Variants in DNAH11 observed in about 807,000 individuals in gnomAD.
The protein encoded by DNAH11 is dynein axonemal heavy chain 11, also known as axonemal beta dynein heavy chain 11.
DNAH11 carries 442 observed loss-of-function variants against 526.0 expected under a neutral mutation model. That is an observed-to-expected ratio of 0.84 (90% CI 0.78 to 0.91). The LOEUF (loss-of-function observed/expected upper bound fraction) is 0.91, where lower values mean the gene tolerates loss of function less well. Ranked by LOEUF, DNAH11 falls within the 40% of genes least tolerant of loss-of-function variation. DNAH11 has a pLI of 0.00. For synonymous variants in DNAH11, 2,461 were observed against 1,935.9 expected, an observed-to-expected ratio of 1.27 and a Z score of -7.12; for missense variants, 6,989 against 5,448.7, an observed-to-expected ratio of 1.28 and a Z score of -8.90.
chr7:21,837,192 C>T (rs576707369), intron 65 of DNAH11, among the ~76,000 whole-genome samples: 4 of 151,990 alleles, frequency 2.6e-5, no homozygotes, highest in South Asian at 2.1e-4. Flanking sequence ...AGAGATTCCT[C>T]GAAAAACTAA....
rs371215793 is a variant in DNAH11 at position 21,745,009 on chromosome 7, A to C, written c.8456A>C (p.Asn2819Thr). 6.2e-7 allele frequency: 1 copy of C among 1,610,060 alleles called. No individual in the cohort carries two copies. The highest frequency in any genetic ancestry group is 8.5e-7 in the Non-Finnish European group (1 of 1,178,192). ...CTTACAGAAACGTTAGACAACTACA[A>C]TGAACTAAATGCTGCCATGCACCTA... Reference protein sequence around the residue: ...TILTETLDNYNELNAAMHLVL... With the variant: ...TILTETLDNYTELNAAMHLVL... The change falls in exon 51 of 82, where the codon AAT becomes ACT. Residue 2819 changes from asparagine to threonine, a missense_variant. Asn to Thr is a moderately conservative substitution (Grantham distance 65, BLOSUM62 0). Transcript: ENST00000409508.
intron 62 of DNAH11, among the ~76,000 whole-genome samples, chr7:21,803,145 A>C (rs1789070009): frequency 6.6e-6 from 1 of 152,224 alleles, no homozygotes; most frequent in African/African-American, 2.4e-5. Flanking sequence ...GCATTATTAG[A>C]AATGCCTTTA....
intron 38 of DNAH11, 119 bp downstream of exon 38, chr7:21,704,747 T>A: frequency 8.8e-7 from 1 of 1,140,086 alleles, no homozygotes; most frequent in East Asian, 2.8e-5. Context: ...GATCTTAATA[T>A]ATGCTTTCAA....
chr7:21,852,631 G>A lies in DNAH11; in HGVS notation c.11061G>A (p.Lys3687=). The change falls in exon 67 of 82, where the codon AAG becomes AAA. Residue 3687 remains lysine (K), a splice_region_variant and synonymous_variant. Coordinates refer to ENST00000409508, the MANE Select transcript of DNAH11 (RefSeq NM_001277115.2). The part of the protein sequence containing the change: ...TKTTVAEIEH[K]VIEAKENERK... ...CCACCGTGGCAGAGATAGAGCACAA[G>A]GTAGGAAGGGCAGAGGGTGCCTGGC... 6.3e-7 allele frequency: 1 copy of A among 1,581,732 alleles called. No individual in the cohort carries two copies. The highest frequency in any genetic ancestry group is 1.4e-5 in the African/African-American group (1 of 73,674).
chr7:21,669,156 G>C (rs1314870477), intron 30 of DNAH11, among the ~76,000 whole-genome samples: 1 of 151,922 alleles, frequency 6.6e-6, no homozygotes, highest in Non-Finnish European at 1.5e-5. Context: ...TTGATCTTTT[G>C]CTCCATTTTC....
intron 43 of DNAH11, among the ~76,000 whole-genome samples, chr7:21,720,015 G>T (rs1414164281): frequency 6.6e-6 from 1 of 152,218 alleles, no homozygotes; most frequent in Admixed American, 6.5e-5. Flanking sequence ...ACTGCCCTAA[G>T]CATGGGCTAG....
intron 28 of DNAH11, among the ~76,000 whole-genome samples, chr7:21,642,805 A>C (rs960870370): frequency 1.3e-5 from 2 of 152,058 alleles, no homozygotes; most frequent in South Asian, 4.2e-4. Context: ...CCAGCCAGGG[A>C]GGTCTGATAA....
chr7:21,622,723 T>G (rs1036695245), intron 25 of DNAH11, among the ~76,000 whole-genome samples: 3 of 152,174 alleles, frequency 2.0e-5, no homozygotes, highest in African/African-American at 7.2e-5. Flanking sequence ...GGGGAAAGGA[T>G]TCCCCATTTA....
At chr7:21,895,069 G>C in intron 79 of DNAH11, 70 bp downstream of exon 79, 3 of 1,282,614 alleles carry the variant, frequency 2.3e-6, no homozygotes, top group African/African-American at 1.5e-5. Flanking sequence ...TCTGAATAAT[G>C]CTTCCTAAGA....
intron 76 of DNAH11, among the ~76,000 whole-genome samples, chr7:21,885,925 A>G (rs915067593): frequency 2.5e-4 from 38 of 152,154 alleles, no homozygotes; most frequent in Non-Finnish European, 4.7e-4. Flanking sequence ...TGTTTTCTGG[A>G]AAAAGTACTC....
At chr7:21,636,125 T>C (rs1164929627) in intron 26 of DNAH11, 30 bp downstream of exon 26, 1 of 1,538,230 alleles carries the variant, frequency 6.5e-7, no homozygotes, top group South Asian at 1.2e-5. Context: ...TATGCTATTC[T>C]AGCAAAGTTT....
At chr7:21,763,470 G>C (rs1787022445) in intron 54 of DNAH11, among the ~76,000 whole-genome samples, 1 of 151,794 alleles carries the variant, frequency 6.6e-6, no homozygotes, top group Non-Finnish European at 1.5e-5. Flanking sequence ...CATAGGTTAG[G>C]ATAGTCATTA....
At chr7:21,831,282 A>G (rs1297654723) in intron 65 of DNAH11, among the ~76,000 whole-genome samples, 2 of 152,230 alleles carry the variant, frequency 1.3e-5, no homozygotes, top group African/African-American at 4.8e-5. Context: ...CAGAAACAAC[A>G]AAGTGATTCT....
chr7:21,595,045 C>G (rs1028429481), intron 14 of DNAH11, among the ~76,000 whole-genome samples: 1 of 152,084 alleles, frequency 6.6e-6, no homozygotes, highest in Non-Finnish European at 1.5e-5. Flanking sequence ...CTAGGGGTTC[C>G]GTATGTTCAG....
chr7:21,811,327 G>T (rs1474230527), intron 63 of DNAH11, among the ~76,000 whole-genome samples: 3 of 151,848 alleles, frequency 2.0e-5, no homozygotes, highest in Non-Finnish European at 4.4e-5. Context: ...GTGGTGGTGG[G>T]TGCCTGTAAT....
rs1784319191 is a variant in DNAH11 at position 21,581,844 on chromosome 7, A to G, written c.1594-61A>G. ...GCTAAAGTAAGGTCACGCTTGTGTG[A>G]TTGCTATTTTCGCTGTTGGATTATT... On this transcript the variant is annotated intron_variant, in intron 8 of 81. Coordinates refer to ENST00000409508, the MANE Select transcript of DNAH11 (RefSeq NM_001277115.2). 6 of 1,030,866 alleles carry G rather than the reference A, an allele frequency of 5.8e-6. No homozygotes were observed. In the South Asian group the frequency reaches 8.2e-5, roughly 14 times the overall value. 63.9% of individuals were successfully genotyped at this position (1,030,866 alleles called of 1,614,324 possible).
At chr7:21,837,153 A>G (rs1346025545) in intron 65 of DNAH11, among the ~76,000 whole-genome samples, 4 of 152,206 alleles carry the variant, frequency 2.6e-5, no homozygotes, top group African/African-American at 9.6e-5. Context: ...GGAAATGTAA[A>G]TCGGTATAGC....
intron 73 of DNAH11, among the ~76,000 whole-genome samples, chr7:21,872,318 C>G (rs966978138): frequency 1.3e-5 from 2 of 151,836 alleles, no homozygotes; most frequent in African/African-American, 4.8e-5. Context: ...GGAATAAAAG[C>G]CAATAATGTG....
chr7:21,788,555 T>C (rs972943828), intron 60 of DNAH11, among the ~76,000 whole-genome samples: 4 of 151,972 alleles, frequency 2.6e-5, no homozygotes, highest in African/African-American at 7.2e-5. Context: ...GGAAAGAAAA[T>C]TTAATTTCCT....
Sources: allele counts gnomAD v4.1 joint callset (sites outside exome capture counted in the v4.1 genomes callset), GRCh38; gene constraint gnomAD v4.1.1; transcripts MANE v1.5; gene names NCBI Gene and HGNC (gene_info 2026-07-23, HGNC 2026-07-21).